The following MTRF1 variants were observed in gnomAD, a reference collection of about 807,000 sequenced individuals.
The protein encoded by MTRF1 is peptide chain release factor 1, mitochondrial.
A neutral mutation model predicts 62.9 loss-of-function variants in MTRF1; 51 were observed. The ratio of observed to expected loss-of-function variants is 0.81; its 90% CI spans 0.65 to 1.02. MTRF1 has a LOEUF of 1.02. Among genes scored for constraint, MTRF1 ranks in the 50% least tolerant of loss-of-function variants. MTRF1 has a pLI of 0.00. For synonymous variants in MTRF1, 158 were observed against 181.9 expected, an observed-to-expected ratio of 0.87 and a Z score of 1.06; for missense variants, 446 against 530.0, an observed-to-expected ratio of 0.84 and a Z score of 1.56.
intron 5 of MTRF1, among the ~76,000 whole-genome samples, chr13:41,245,903 C>A (rs959897187): frequency 6.6e-6 from 1 of 152,152 alleles, no homozygotes; most frequent in Non-Finnish European, 1.5e-5. Context: ...TTATCCCTGT[C>A]CTGCTCAACT....
At chr13:41,236,486 C>G (rs2036601025) in intron 6 of MTRF1, 1 of 152,164 alleles carries the variant, frequency 6.6e-6, no homozygotes. Context: ...GTGTGAATGA[C>G]AGAAAGCAGA....
At chr13:41,288,666 G>C in the MTRF1 span, among the ~76,000 whole-genome samples, 11 of 152,098 alleles carry the variant, frequency 7.2e-5, no homozygotes, top group African/African-American at 2.7e-4. Flanking sequence ...AAATAATGTG[G>C]TTATGATATA....
At chr13:41,291,486 T>C in the MTRF1 span, among the ~76,000 whole-genome samples, 1 of 152,186 alleles carries the variant, frequency 6.6e-6, no homozygotes, top group Admixed American at 6.5e-5. Context: ...AGCCTGAAAC[T>C]ATTTCTAAAT....
chr13:41,289,637 G>C, the MTRF1 span, among the ~76,000 whole-genome samples: 2 of 152,144 alleles, frequency 1.3e-5, no homozygotes. Flanking sequence ...ACCAGACAAA[G>C]GTCATGGTCA....
the MTRF1 span, among the ~76,000 whole-genome samples, chr13:41,273,958 G>C: frequency 1.3e-5 from 2 of 152,204 alleles, no homozygotes; most frequent in East Asian, 3.9e-4. Flanking sequence ...GTAGATAAAA[G>C]ACAAATGATT....
At position 41,223,251 on chromosome 13, in the gene MTRF1, A is replaced by G; in HGVS notation, c.1224+5T>C. 2 of 1,598,098 alleles carry G rather than the reference A, an allele frequency of 1.3e-6. No individual in the cohort carries two copies. Among genetic ancestry groups the G allele is most frequent in the Non-Finnish European group, 1.7e-6 (2 of 1,166,336 alleles). On this transcript the variant is annotated splice_donor_5th_base_variant and intron_variant, in intron 9 of 9. Coordinates refer to ENST00000379480, the MANE Select transcript of MTRF1 (RefSeq NM_004294.4). Reference sequence around the variant, plus strand: ...AGGTAGGCAAAGCATACTCAGTAGTATTACCTTAATATCACGAACTTCATA... The same window carrying G: ...AGGTAGGCAAAGCATACTCAGTAGTGTTACCTTAATATCACGAACTTCATA...
intron 5 of MTRF1, among the ~76,000 whole-genome samples, chr13:41,240,977 G>A (rs945764091): frequency 6.6e-6 from 1 of 152,192 alleles, no homozygotes; most frequent in African/African-American, 2.4e-5. Context: ...TTTATTGAAA[G>A]TCAGCTCTTG....
chr13:41,287,764 T>A, the MTRF1 span: 1 of 191,402 alleles, frequency 5.2e-6, no homozygotes, highest in Admixed American at 6.2e-5. Flanking sequence ...CATTTTCTCT[T>A]CCTCTTCTTC....
At chr13:41,239,562 T>TA (rs545171476) in intron 6 of MTRF1, among the ~76,000 whole-genome samples, 21 of 147,810 alleles carry the variant, frequency 1.4e-4, no homozygotes, top group African/African-American at 2.5e-4. Flanking sequence ...TCTGTATGTT[T>TA]AAAAAAAAAA....
In MTRF1 at chr13:41,240,297, TC is replaced by T; in HGVS notation, c.833del (p.Gly278GlufsTer16). On this transcript the variant is annotated frameshift_variant, in exon 6 of 10. Transcript: ENST00000379480. LOFTEE classifies it high-confidence loss of function. Reference protein sequence around the residue: ...LSSRMQRIHTGTMSVIVLPQP... With the variant: ...LSSRMQRIHTXTMSVIVLPQP... Reference sequence around the variant, plus strand: ...GAGGAAGGACAATAACCGACATCGTTCCTGTGTGAATGCGCTGCATCCTTGA... The same window carrying T: ...GAGGAAGGACAATAACCGACATCGTTCTGTGTGAATGCGCTGCATCCTTGA... 1 of 1,612,306 alleles carries T rather than the reference TC, an allele frequency of 6.2e-7. No individual in the cohort carries two copies. The highest frequency in any genetic ancestry group is 1.1e-5 in the South Asian group (1 of 90,576).
chr13:41,295,141 G>T, the MTRF1 span, among the ~76,000 whole-genome samples: 1 of 152,182 alleles, frequency 6.6e-6, no homozygotes, highest in East Asian at 1.9e-4. Context: ...TGGTAACTCT[G>T]TCCTTCAATG....
chr13:41,311,191 CGCA>C, the MTRF1 span: 63 of 453,568 alleles, frequency 1.4e-4, no homozygotes, highest in African/African-American at 1.3e-3. Context: ...CGTAGTCACC[CGCA>C]GCCCCTCGCC....
chr13:41,222,136 T>C (rs550050409), intron 9 of MTRF1, among the ~76,000 whole-genome samples: 6 of 152,262 alleles, frequency 3.9e-5, no homozygotes, highest in African/African-American at 1.4e-4. Flanking sequence ...AAAGAAGCCT[T>C]AGGTATCACA....
At chr13:41,311,624 G>T in the MTRF1 span, 1 of 1,577,160 alleles carries the variant, frequency 6.3e-7, no homozygotes, top group Non-Finnish European at 8.6e-7. Context: ...CGGTCCCCGG[G>T]TCCTCGGGCC....
chr13:41,272,143 A>G, the MTRF1 span, among the ~76,000 whole-genome samples: 1 of 152,210 alleles, frequency 6.6e-6, no homozygotes, highest in Admixed American at 6.5e-5. Context: ...CTTGAAAAAC[A>G]GAGCTTGAGA....
the MTRF1 span, among the ~76,000 whole-genome samples, chr13:41,289,347 C>A: frequency 1.3e-5 from 2 of 151,172 alleles, no homozygotes; most frequent in Non-Finnish European, 2.9e-5. Flanking sequence ...AAGTGATTCT[C>A]CTGCCTCAGC....
At chr13:41,309,502 T>C in the MTRF1 span, among the ~76,000 whole-genome samples, 1 of 152,112 alleles carries the variant, frequency 6.6e-6, no homozygotes, top group East Asian at 1.9e-4. Flanking sequence ...GCATGTGTCT[T>C]TACGGTAGAA....
At chr13:41,253,226 G>C (rs1173904119) in intron 3 of MTRF1, among the ~76,000 whole-genome samples, 196 bp from the exon 4 acceptor site, 1 of 152,134 alleles carries the variant, frequency 6.6e-6, no homozygotes, top group African/African-American at 2.4e-5. Context: ...GTTAACAATG[G>C]AGTTACTTGT....
the MTRF1 span, among the ~76,000 whole-genome samples, chr13:41,276,070 G>A: frequency 1.1e-4 from 17 of 152,142 alleles, no homozygotes; most frequent in African/African-American, 3.9e-4. Flanking sequence ...TACATAACAG[G>A]ACACCCCATA....
Sources: allele counts gnomAD v4.1 joint callset (sites outside exome capture counted in the v4.1 genomes callset), GRCh38; gene constraint gnomAD v4.1.1; transcripts MANE v1.5; gene names NCBI Gene and HGNC (gene_info 2026-07-23, HGNC 2026-07-21).